The following WARS1 variants were observed in gnomAD, a reference collection of about 807,000 sequenced individuals.
WARS1 encodes the protein tryptophanyl-tRNA synthetase 1.
A neutral mutation model predicts 47.8 loss-of-function variants in WARS1; 17 were observed. The observed-to-expected ratio is 0.36, with a 90% confidence interval of 0.24 to 0.53. WARS1 has a LOEUF of 0.53. Among genes scored for constraint, WARS1 ranks in the 20% least tolerant of loss-of-function variants. The pLI is 0.91. For missense variants in WARS1, 434 were observed against 608.0 expected, an observed-to-expected ratio of 0.71 and a Z score of 3.01; for synonymous variants, 208 against 228.1, an observed-to-expected ratio of 0.91 and a Z score of 0.79.
At chr14:100,339,942 C>A (rs1343234423) in intron 9 of WARS1, 2 of 152,274 alleles carry the variant, frequency 1.3e-5, no homozygotes, top group Admixed American at 6.5e-5. Flanking sequence ...CACACTCCCC[C>A]TCCCCAGGCT....
intron 6 of WARS1, 92 bp from the exon 7 acceptor site, chr14:100,346,938 T>A: frequency 8.7e-7 from 1 of 1,155,748 alleles, no homozygotes; most frequent in Non-Finnish European, 1.3e-6. Flanking sequence ...CAATGAGTAG[T>A]GGCATGGGCC....
chr14:100,340,998 CCT>C (rs938003884), intron 9 of WARS1, among the ~76,000 whole-genome samples: 3 of 151,428 alleles, frequency 2.0e-5, no homozygotes, highest in Non-Finnish European at 4.4e-5. Context: ...CACTGCAACC[CCT>C]GTCTTCCAGG....
intron 2 of WARS1, chr14:100,368,320 A>C: frequency 2.4e-6 from 1 of 408,830 alleles, no homozygotes; most frequent in Non-Finnish European, 4.9e-6. Context: ...GTGATGGTTC[A>C]GCTGTCCACG....
intron 10 of WARS1, among the ~76,000 whole-genome samples, chr14:100,335,303 A>G (rs566877978): frequency 6.6e-6 from 1 of 152,238 alleles, no homozygotes; most frequent in African/African-American, 2.4e-5. Flanking sequence ...CCCCACCCCT[A>G]CCGATGCTAG....
chr14:100,346,856 C>T lies in WARS1; in HGVS notation c.726-10G>A. ...GAAACCTGAGCTCATCCTGCAAAGA[C>T]AACGAGAATGAAATCCCAAACGGAG... On this transcript the variant is annotated splice_polypyrimidine_tract_variant and intron_variant, in intron 6 of 10. Transcript: ENST00000392882. The T allele has an allele frequency of 1.2e-6, 2 of 1,609,696 alleles. No individual in the cohort carries two copies. Among genetic ancestry groups the T allele is most frequent in the Non-Finnish European group, 1.7e-6 (2 of 1,176,256 alleles).
chr14:100,334,901 G>A lies in WARS1; in HGVS notation c.1390C>T (p.Arg464Trp), dbSNP rs774379129. ...TACTGAAAGTCGAAGGACAGCTTCC[G>A]GGGAGTCATGAACTCTTTCACTATC... The part of the protein sequence containing the change: ...DEIVKEFMTP[R>W]KLSFDFQ The change falls in exon 11 of 11, where the codon CGG (arginine) becomes TGG (tryptophan). Residue 464 changes from arginine (R) to tryptophan (W), a missense_variant. Physicochemically the swap from Arg to Trp is moderately radical, Grantham distance 101 (BLOSUM62 -3). Around this residue, in one of 2 missense-constraint regions of WARS1, gnomAD observed 347 missense variants for 523.8 expected, o/e 0.66. Transcript: ENST00000392882. 1 of 1,614,010 alleles carries A rather than the reference G, an allele frequency of 6.2e-7. No individual in the cohort carries two copies. Among genetic ancestry groups the A allele is most frequent in the Non-Finnish European group, 8.5e-7 (1 of 1,179,952 alleles).
Position 100,334,719 on chromosome 14 carries a change from A to G in WARS1, c.*156T>C. 1.3e-6 allele frequency: 1 copy of G among 765,856 alleles called. No individual in the cohort carries two copies. Among genetic ancestry groups the G allele is most frequent in the Non-Finnish European group, 2.0e-6 (1 of 491,394 alleles). 47.4% of individuals were successfully genotyped at this position (765,856 alleles called of 1,614,324 possible). A position where few individuals can be genotyped will look rare whatever the true frequency, so the allele number is the denominator to read the frequency against. On this transcript the variant is annotated 3_prime_UTR_variant, in exon 11 of 11. Transcript: ENST00000392882. The stretch of plus-strand genomic sequence containing the variant: ...AGATAGAAATAATGGAACTCACAGG[A>G]AGAAACAGTATTGATAACATACACA...
intron 1 of WARS1, among the ~76,000 whole-genome samples, chr14:100,372,644 A>C (rs553177343): frequency 6.6e-6 from 1 of 152,334 alleles, no homozygotes; most frequent in East Asian, 1.9e-4. Context: ...ATATCAAATA[A>C]CGATCAAACT....
intron 2 of WARS1, among the ~76,000 whole-genome samples, chr14:100,365,163 A>ACACACACACAC (rs1595454909): frequency 9.2e-5 from 14 of 151,788 alleles, no homozygotes; most frequent in South Asian, 2.1e-4. Flanking sequence ...ACACACACAC[A>ACACACACACAC]AATAATGATT....
At chr14:100,340,589 G>A (rs898020340) in intron 9 of WARS1, 14 of 152,164 alleles carry the variant, frequency 9.2e-5, no homozygotes, top group African/African-American at 3.1e-4. Flanking sequence ...GAATCCCTGG[G>A]CTCAAGCCAT....
chr14:100,374,226 T>C (rs1244726571), intron 1 of WARS1: 1 of 152,252 alleles, frequency 6.6e-6, no homozygotes, highest in Non-Finnish European at 1.5e-5. Flanking sequence ...TGAGACTTTG[T>C]TAAGAGAAGT....
rs754039708 is a variant in WARS1 at position 100,342,323 on chromosome 14, GGT to G, written c.1113+73_1113+74del. ...GCTGAGGCCCAAAGCACTGCGCAGT[GGT>G]GTGTGTGTGCGTGTGCCCCCCAGGG... On this transcript the variant is annotated intron_variant, in intron 9 of 10. Transcript: ENST00000392882. 32 of 1,583,218 alleles carry G rather than the reference GGT, an allele frequency of 2.0e-5. No individual in the cohort carries two copies. The East Asian group carries it at 4.3e-4, about 21-fold the overall frequency.
At chr14:100,354,857 C>G (rs1305078236) in intron 4 of WARS1, among the ~76,000 whole-genome samples, 1 of 152,178 alleles carries the variant, frequency 6.6e-6, no homozygotes, top group Non-Finnish European at 1.5e-5. Flanking sequence ...AACATCAGTG[C>G]CGACATACTG....
chr14:100,342,690 A>G, intron 8 of WARS1, 119 bp from the exon 9 acceptor site: 2 of 822,452 alleles, frequency 2.4e-6, no homozygotes, highest in South Asian at 2.4e-5. Flanking sequence ...AAAGAAATTC[A>G]CTCCCTCCTC....
At chr14:100,339,112 CACACACACACAT>C (rs1397188850) in intron 9 of WARS1, among the ~76,000 whole-genome samples, 3 of 35,234 alleles carry the variant, frequency 8.5e-5, no homozygotes, top group African/African-American at 1.5e-4. Flanking sequence ...ATCACACACA[CACACACACACAT>C]ACACACACAC....
At chr14:100,367,153 A>C (rs1896049203) in intron 2 of WARS1, among the ~76,000 whole-genome samples, 1 of 152,184 alleles carries the variant, frequency 6.6e-6, no homozygotes, top group Admixed American at 6.5e-5. Flanking sequence ...GAAGTTAAAA[A>C]TGATAGCAGA....
In WARS1 at chr14:100,353,847, CG is replaced by C. The variant is rs762531142; in HGVS notation, c.564del (p.Asn188LysfsTer8). On this transcript the variant is annotated frameshift_variant, in exon 6 of 11. Coordinates refer to ENST00000392882, the MANE Select transcript of WARS1 (RefSeq NM_004184.4). LOFTEE classifies it high-confidence loss of function. ...IFTKWLQDVF[N>X]VPLVIQMTDD... Reference sequence around the variant, plus strand: ...TCCGTCATCTGGATGACCAAGGGCACGTTAAATACATCCTGGAGCCACCTAA... The same window carrying C: ...TCCGTCATCTGGATGACCAAGGGCACTTAAATACATCCTGGAGCCACCTAA... 3 of 1,613,832 alleles carry C rather than the reference CG, an allele frequency of 1.9e-6. No homozygotes were observed. Among genetic ancestry groups the C allele is most frequent in the Non-Finnish European group, 2.5e-6 (3 of 1,179,984 alleles).
intron 2 of WARS1, among the ~76,000 whole-genome samples, chr14:100,367,519 C>T (rs184754657): frequency 1.2e-4 from 15 of 121,382 alleles, no homozygotes; most frequent in African/African-American, 3.4e-4. Flanking sequence ...ACCCAGGAGG[C>T]GGAGGTTGCG....
chr14:100,374,951 T>C (rs1896564260), intron 1 of WARS1: 1 of 152,224 alleles, frequency 6.6e-6, no homozygotes, highest in Non-Finnish European at 1.5e-5. Flanking sequence ...TTAATTTCTA[T>C]GAAGCCAGGC....
Sources: allele counts gnomAD v4.1 joint callset (sites outside exome capture counted in the v4.1 genomes callset), GRCh38; gene constraint gnomAD v4.1.1; regional missense constraint gnomAD v4.1.1; transcripts MANE v1.5; gene names NCBI Gene and HGNC (gene_info 2026-07-23, HGNC 2026-07-21).